The following ATP9B variants were observed in gnomAD, a reference collection of about 807,000 sequenced individuals.
The protein encoded by ATP9B is ATPase phospholipid transporting 9B.
ATP9B carries 110 observed loss-of-function variants against 146.1 expected under a neutral mutation model. The observed-to-expected ratio is 0.75, with a 90% CI of 0.65 to 0.88. The LOEUF is 0.88. ATP9B is among the 40% of genes least tolerant of loss of function. The pLI is 0.00. For missense variants in ATP9B, 1,499 were observed against 1,496.4 expected (o/e 1.00, Z -0.03); for synonymous variants, 604 against 569.7 (o/e 1.06, Z -0.86).
chr18:79,148,039 A>G (rs757367084), intron 6 of ATP9B, among the ~76,000 whole-genome samples: 4 of 152,366 alleles, frequency 2.6e-5, no homozygotes, highest in African/African-American at 9.6e-5. Context: ...ATGAAATACT[A>G]CAAACACCTT....
intron 1 of ATP9B, among the ~76,000 whole-genome samples, chr18:79,079,312 C>T (rs1439988422): frequency 6.6e-6 from 1 of 152,226 alleles, no homozygotes; most frequent in East Asian, 1.9e-4. Context: ...TCCATGTCCT[C>T]TCCAGCATCT....
intron 13 of ATP9B, among the ~76,000 whole-genome samples, chr18:79,289,306 G>A (rs1275034096): frequency 6.6e-6 from 1 of 152,140 alleles, no homozygotes; most frequent in Non-Finnish European, 1.5e-5. Flanking sequence ...TGGAGGCTTT[G>A]TTCATTTCTT....
rs192761968 is a variant in ATP9B, at chr18:79,138,263, C to T, written c.668-5539C>T. Among the ~76,000 whole-genome samples the T allele has an allele frequency of 2.7e-3, 411 of 152,150 alleles. 3 individuals carry two copies. Among genetic ancestry groups the T allele is most frequent in the Middle Eastern group, 3.4e-3 (1 of 294 alleles). On this transcript the variant is annotated intron_variant, in intron 5 of 29. Coordinates refer to ENST00000426216, the MANE Select transcript of ATP9B (RefSeq NM_198531.5). ...AGTTTATTGGAATTATTTTTAGGAA[C>T]GTTTATATGAAATATGTGGATGTTG... is the stretch of plus-strand genomic sequence containing the variant.
At chr18:79,359,758 T>C (rs1208237998) in intron 26 of ATP9B, 2 of 337,026 alleles carry the variant, frequency 5.9e-6, no homozygotes, top group Non-Finnish European at 1.2e-5. Context: ...TGTGGAACTT[T>C]TGTGAAGTGA....
intron 25 of ATP9B, among the ~76,000 whole-genome samples, chr18:79,349,669 A>C (rs1404084323): frequency 6.6e-6 from 1 of 152,190 alleles, no homozygotes; most frequent in African/African-American, 2.4e-5. Context: ...TAAACATGTG[A>C]GGTCCTCTTA....
intron 9 of ATP9B, 67 bp downstream of exon 9, chr18:79,193,330 G>A (rs1305614845): frequency 3.2e-6 from 4 of 1,257,734 alleles, no homozygotes; most frequent in East Asian, 4.7e-5. Flanking sequence ...AAACCTTTGA[G>A]ACAGTAATTC....
chr18:79,294,950 A>C (rs2096536681), intron 13 of ATP9B, among the ~76,000 whole-genome samples: 1 of 152,220 alleles, frequency 6.6e-6, no homozygotes, highest in South Asian at 2.1e-4. Flanking sequence ...AAAATGTAGA[A>C]GGGGTGAAAA....
rs573814188 is a variant in ATP9B at position 79,151,367 on chromosome 18, AC to A, written c.727-3136del. On this transcript the variant is annotated intron_variant, in intron 6 of 29. Transcript: ENST00000426216. ...TTTGGCCCCATGTTCTTTATGAGATACATCCATGTTGTTGTGTGGTTGTTAC... is the reference window on the plus strand; with the variant it reads ...TTTGGCCCCATGTTCTTTATGAGATAATCCATGTTGTTGTGTGGTTGTTAC... 1.7e-4 allele frequency among the ~76,000 whole-genome samples: 26 copies of A among 152,312 alleles called. No homozygotes were observed. In the South Asian group the frequency reaches 5.4e-3, roughly 32 times the overall value.
At chr18:79,248,897 C>T (rs1293895493) in intron 11 of ATP9B, among the ~76,000 whole-genome samples, 1 of 152,168 alleles carries the variant, frequency 6.6e-6, no homozygotes, top group East Asian at 1.9e-4. Context: ...GTTGCACAGG[C>T]ACTTTGTTGA....
chr18:79,076,516 A>G (rs1440269900), intron 1 of ATP9B, among the ~76,000 whole-genome samples: 2 of 152,044 alleles, frequency 1.3e-5, no homozygotes, highest in Non-Finnish European at 2.9e-5. Context: ...GAGAAATCTG[A>G]TATCATTTGA....
intron 11 of ATP9B, among the ~76,000 whole-genome samples, chr18:79,232,318 C>G (rs979068265): frequency 2.0e-5 from 3 of 152,216 alleles, no homozygotes; most frequent in Non-Finnish European, 2.9e-5. Context: ...CACACCTTGT[C>G]TGCACACCAT....
At chr18:79,277,262 C>T (rs551012215) in intron 13 of ATP9B, 66 bp downstream of exon 13, 112 of 1,565,952 alleles carry the variant, frequency 7.2e-5, no homozygotes, top group East Asian at 1.6e-4. Flanking sequence ...AATAGCATAG[C>T]GTATAGATAT....
At chr18:79,110,013 G>A (rs1448072418) in intron 2 of ATP9B, among the ~76,000 whole-genome samples, 1 of 152,100 alleles carries the variant, frequency 6.6e-6, no homozygotes. Context: ...AGTGTATTGG[G>A]AATTACCAGT....
At chr18:79,128,813 T>C (rs1052977399) in intron 5 of ATP9B, among the ~76,000 whole-genome samples, 1 of 152,162 alleles carries the variant, frequency 6.6e-6, no homozygotes, top group African/African-American at 2.4e-5. Flanking sequence ...CAGAAACTGT[T>C]AGAACTAACT....
At chr18:79,168,764 T>C (rs1336632616) in intron 7 of ATP9B, among the ~76,000 whole-genome samples, 1 of 152,202 alleles carries the variant, frequency 6.6e-6, no homozygotes, top group Non-Finnish European at 1.5e-5. Context: ...TGGAGTACAG[T>C]ATGGAATAAA....
At position 79,119,036 on chromosome 18, in the gene ATP9B, A is replaced by C. The variant is rs146662061; in HGVS notation, c.558+5682A>C. 3.7e-3 allele frequency among the ~76,000 whole-genome samples: 562 copies of C among 151,978 alleles called. 3 individuals carry two copies. Among genetic ancestry groups the C allele is most frequent in the South Asian group, 0.023 (110 of 4,790 alleles). The stretch of plus-strand genomic sequence containing the variant: ...TTGTGAGCCATGATTGCGCCACTGC[A>C]CTGAAGCCTGGGTAACAGAGCGAGA... On this transcript the variant is annotated intron_variant, in intron 4 of 29. Transcript: ENST00000426216.
In ATP9B at chr18:79,377,639, T is replaced by A; in HGVS notation, c.*256T>A. On this transcript the variant is annotated 3_prime_UTR_variant, in exon 30 of 30. Coordinates refer to ENST00000426216, the MANE Select transcript of ATP9B (RefSeq NM_198531.5). ...CCCTCTCAGTGCGAGGCTTCACCCCTGCCAGGCAAGCCCAGGGCATAGATG... is the reference window on the plus strand; with the variant it reads ...CCCTCTCAGTGCGAGGCTTCACCCCAGCCAGGCAAGCCCAGGGCATAGATG... 4.3e-6 allele frequency: 2 copies of A among 466,948 alleles called. No individual in the cohort carries two copies. Among genetic ancestry groups the A allele is most frequent in the Non-Finnish European group, 7.6e-6 (2 of 262,174 alleles). 28.9% of individuals were successfully genotyped at this position (466,948 alleles called of 1,614,324 possible).
At chr18:79,229,723 T>C (rs2095771854) in intron 11 of ATP9B, among the ~76,000 whole-genome samples, 1 of 152,230 alleles carries the variant, frequency 6.6e-6, no homozygotes, top group Non-Finnish European at 1.5e-5. Flanking sequence ...CTTTAATCAG[T>C]CATCATTTCT....
chr18:79,124,447 G>C (rs1162087857), intron 4 of ATP9B, among the ~76,000 whole-genome samples: 1 of 152,256 alleles, frequency 6.6e-6, no homozygotes, highest in South Asian at 2.1e-4. Context: ...GGAAACCATG[G>C]CAAATACATG....
Sources: gnomAD v4.1 joint callset for allele counts (sites outside exome capture counted in the v4.1 genomes callset) on GRCh38, gnomAD v4.1.1 for gene constraint, MANE v1.5 for transcripts, NCBI Gene and HGNC (gene_info 2026-07-23, HGNC 2026-07-21) for gene names.